DRC9: variants seen among roughly 807,000 people sequenced by gnomAD.
The protein encoded by DRC9 is dynein regulatory complex protein 9.
At chr3:197,901,148 C>CT in the DRC9 span, among the ~76,000 whole-genome samples, 4 of 151,900 alleles carry the variant, frequency 2.6e-5, no homozygotes, top group East Asian at 1.9e-4. The surrounding 1 kb of genome is among the most constrained non-coding windows in gnomAD (Gnocchi z 4.4). Context: ...GGCCTTGACT[C>CT]TTTTTTTTGA....
the DRC9 span, among the ~76,000 whole-genome samples, chr3:197,896,274 C>T: frequency 8.6e-5 from 13 of 151,692 alleles, no homozygotes; most frequent in Non-Finnish European, 1.6e-4. Flanking sequence ...ACCCAGGAGG[C>T]GGAGGTTGTG....
the DRC9 span, among the ~76,000 whole-genome samples, chr3:197,909,369 A>C: frequency 6.6e-6 from 1 of 152,256 alleles, no homozygotes; most frequent in African/African-American, 2.4e-5. Context: ...GCATGCAGTA[A>C]GATTTTCCAC....
chr3:197,889,786 A>G, the DRC9 span: 1 of 1,553,412 alleles, frequency 6.4e-7, no homozygotes, highest in South Asian at 1.1e-5. Context: ...ACATAAAGGG[A>G]CTGTTGAATA....
the DRC9 span, chr3:197,955,763 C>A: frequency 6.2e-7 from 1 of 1,606,424 alleles, no homozygotes; most frequent in Non-Finnish European, 8.5e-7. Flanking sequence ...CTGTACCCCT[C>A]AAGGATTTAA....
the DRC9 span, among the ~76,000 whole-genome samples, chr3:197,890,773 C>G: frequency 6.6e-6 from 1 of 152,216 alleles, no homozygotes; most frequent in Non-Finnish European, 1.5e-5. Flanking sequence ...TTATGGGAAG[C>G]CCAACTTTGG....
the DRC9 span, among the ~76,000 whole-genome samples, chr3:197,939,930 T>C: frequency 6.6e-6 from 1 of 152,240 alleles, no homozygotes; most frequent in South Asian, 2.1e-4. Context: ...TACTGATTAC[T>C]AGAAAGAAAT....
chr3:197,898,555 T>C, the DRC9 span, among the ~76,000 whole-genome samples: 1 of 152,214 alleles, frequency 6.6e-6, no homozygotes, highest in African/African-American at 2.4e-5. Flanking sequence ...ATACTGCTGA[T>C]AAAGGCATAT....
At chr3:197,892,547 T>A in the DRC9 span, 2 of 1,533,328 alleles carry the variant, frequency 1.3e-6, no homozygotes, top group African/African-American at 3.0e-5. Context: ...GTGAGTGCCC[T>A]AATTCCTTCC....
chr3:197,936,341 G>A, the DRC9 span, among the ~76,000 whole-genome samples: 1 of 151,966 alleles, frequency 6.6e-6, no homozygotes, highest in African/African-American at 2.4e-5. Flanking sequence ...ATAAAGAGTT[G>A]TAGTTTTTTT....
chr3:197,928,668 C>T, the DRC9 span, among the ~76,000 whole-genome samples: 23 of 152,076 alleles, frequency 1.5e-4, no homozygotes, highest in African/African-American at 5.5e-4. Flanking sequence ...ACTCTTGAAA[C>T]AATACTAAAA....
the DRC9 span, among the ~76,000 whole-genome samples, chr3:197,917,529 G>A: frequency 6.6e-6 from 1 of 152,102 alleles, no homozygotes; most frequent in Non-Finnish European, 1.5e-5. Flanking sequence ...ACAAGTTGTA[G>A]GATTGCAGGC....
chr3:197,921,532 T>A, the DRC9 span, among the ~76,000 whole-genome samples: 1 of 150,418 alleles, frequency 6.6e-6, no homozygotes, highest in Non-Finnish European at 1.5e-5. Context: ...TGGTTTTCAG[T>A]AACTCCGGGG....
At chr3:197,903,998 A>G in the DRC9 span, among the ~76,000 whole-genome samples, 1 of 133,060 alleles carries the variant, frequency 7.5e-6, no homozygotes, top group Non-Finnish European at 1.6e-5. Context: ...ACACATATAT[A>G]TATACATACA....
the DRC9 span, among the ~76,000 whole-genome samples, chr3:197,923,451 C>T: frequency 6.6e-6 from 1 of 152,170 alleles, no homozygotes; most frequent in Non-Finnish European, 1.5e-5. Context: ...TTCTCAGGCC[C>T]AGTGCAGTGG....
At chr3:197,924,740 G>A in the DRC9 span, among the ~76,000 whole-genome samples, 8 of 152,040 alleles carry the variant, frequency 5.3e-5, no homozygotes, top group African/African-American at 1.2e-4. Context: ...GGATGGTCTC[G>A]ATCTCTTAAC....
chr3:197,941,870 G>A, the DRC9 span, among the ~76,000 whole-genome samples: 16 of 151,996 alleles, frequency 1.1e-4, no homozygotes, highest in Non-Finnish European at 1.9e-4. Flanking sequence ...TAATAAATAG[G>A]AAGAATACAC....
the DRC9 span, among the ~76,000 whole-genome samples, chr3:197,947,909 A>G: frequency 4.6e-5 from 6 of 131,050 alleles, no homozygotes; most frequent in African/African-American, 1.7e-4. Context: ...CATCCCTTGT[A>G]GTTTCACTCC....
At chr3:197,956,260 T>A in the DRC9 span, 1 of 179,738 alleles carries the variant, frequency 5.6e-6, no homozygotes, top group Admixed American at 5.5e-5. Flanking sequence ...GCCAAGTGCT[T>A]TGTGATACTA....
At chr3:197,895,311 C>A in the DRC9 span, among the ~76,000 whole-genome samples, 1 of 152,012 alleles carries the variant, frequency 6.6e-6, no homozygotes, top group Admixed American at 6.5e-5. Context: ...GATCTGTCAC[C>A]CAGGCTGGAG....
Sources: gnomAD v4.1 joint callset for allele counts (sites outside exome capture counted in the v4.1 genomes callset) on GRCh38, gnomAD v4.1.1 for gene constraint, Gnocchi (gnomAD v3.1) non-coding constraint, MANE v1.5 for transcripts, NCBI Gene and HGNC (gene_info 2026-07-23, HGNC 2026-07-21) for gene names.